Variants in FOXP1 observed in about 807,000 individuals in gnomAD.
The protein encoded by FOXP1 is forkhead box P1, also known as forkhead box protein P1.
FOXP1 carries 15 observed loss-of-function variants against 98.2 expected under a neutral mutation model. The ratio of observed to expected loss-of-function variants is 0.15; its 90% CI spans 0.10 to 0.24. The LOEUF is 0.24. FOXP1 is among the 10% of genes least tolerant of loss of function. The probability of loss-of-function intolerance (pLI) is 1.00; values close to 1 mark genes in which losing one functional copy is unlikely to be tolerated. For synonymous variants in FOXP1, 371 were observed against 314.5 expected, an observed-to-expected ratio of 1.18 and a Z score of -1.90; for missense variants, 633 against 848.5, an observed-to-expected ratio of 0.75 and a Z score of 3.15.
chr3:71,141,552 G>A (rs9840264), intron 6 of FOXP1, among the ~76,000 whole-genome samples: 149,431 of 152,308 alleles, frequency 0.98, 73,369 homozygotes, highest in East Asian at 1. Context: ...AAAGTTAACC[G>A]TTCTACAGGC....
intron 5 of FOXP1, chr3:71,288,341 G>A (rs1192639844): frequency 2.6e-5 from 4 of 152,080 alleles, no homozygotes; most frequent in East Asian, 1.9e-4. Context: ...GAGGATTTGC[G>A]ACTGGCCAAG....
At chr3:71,550,637 TTA>T (rs2045706505) in intron 2 of FOXP1, among the ~76,000 whole-genome samples, 1 of 152,176 alleles carries the variant, frequency 6.6e-6, no homozygotes, top group Non-Finnish European at 1.5e-5. Context: ...AGAAAATAGA[TTA>T]TGTTTCAATA....
rs145029673 is a variant in FOXP1 at position 71,119,474 on chromosome 3, C to T, written c.181-6837G>A. Among the ~76,000 whole-genome samples, 362 of 152,200 alleles carry T rather than the reference C, an allele frequency of 2.4e-3. 1 individual carries two copies. Among genetic ancestry groups the T allele is most frequent in the African/African-American group, 7.8e-3 (325 of 41,520 alleles). ...ATAATTTCATGGACTAATCAACAGT[C>T]ACTGTGGATATAGGGGTGGGAGGAA... On this transcript the variant is annotated intron_variant, in intron 6 of 20. Coordinates refer to ENST00000649528, the MANE Select transcript of FOXP1 (RefSeq NM_001349338.3).
intron 6 of FOXP1, among the ~76,000 whole-genome samples, chr3:71,132,191 C>T (rs1373989026): frequency 6.6e-6 from 1 of 152,126 alleles, no homozygotes; most frequent in African/African-American, 2.4e-5. Flanking sequence ...TGAAAGTGGG[C>T]GGTCAGGAAA....
intron 3 of FOXP1, among the ~76,000 whole-genome samples, chr3:71,432,428 C>T (rs1338933809): frequency 6.6e-6 from 1 of 152,150 alleles, no homozygotes; most frequent in Non-Finnish European, 1.5e-5. Context: ...ATTCAAAGCA[C>T]AATTGACGCA....
chr3:70,999,563 C>T (rs1275818057), intron 13 of FOXP1, among the ~76,000 whole-genome samples: 1 of 152,100 alleles, frequency 6.6e-6, no homozygotes, highest in Non-Finnish European at 1.5e-5. Context: ...AAATATCTTA[C>T]TGTTCTAATA....
chr3:71,429,152 C>A (rs975781725), intron 3 of FOXP1, among the ~76,000 whole-genome samples: 2 of 152,070 alleles, frequency 1.3e-5, no homozygotes, highest in Non-Finnish European at 2.9e-5. Context: ...TCATGCTCTG[C>A]ATGGCCCATG....
At chr3:71,503,260 A>T (rs2041541365) in intron 2 of FOXP1, among the ~76,000 whole-genome samples, 1 of 152,212 alleles carries the variant, frequency 6.6e-6, no homozygotes, top group South Asian at 2.1e-4. Context: ...TAGAAACAAA[A>T]GCCATCTTAC....
intron 7 of FOXP1, among the ~76,000 whole-genome samples, chr3:71,102,539 C>T (rs1163992838): frequency 6.6e-6 from 1 of 152,194 alleles, no homozygotes; most frequent in Non-Finnish European, 1.5e-5. Context: ...TCAATTTCAA[C>T]GGCTGCCTTT....
At position 71,041,185 on chromosome 3, in the gene FOXP1, T is replaced by C. The variant is rs2048289025; in HGVS notation, c.869+143A>G. 3.2e-5 allele frequency: 24 copies of C among 745,582 alleles called. 1 individual carries two copies. In the South Asian group the frequency reaches 3.5e-4, roughly 11 times the overall value. The allele number at this position is 745,582 out of a possible 1,614,324, so 46.2% of individuals were successfully genotyped here. ...AATTAGATGCTTCACACCCAAACCA[T>C]ACTGAATACATTCCTCAGTAATTAT... On this transcript the variant is annotated intron_variant, in intron 11 of 20. Transcript: ENST00000649528.
intron 5 of FOXP1, among the ~76,000 whole-genome samples, chr3:71,249,398 A>C (rs928645043): frequency 2.0e-5 from 3 of 152,270 alleles, no homozygotes; most frequent in Non-Finnish European, 2.9e-5. Context: ...ATATGCCGGC[A>C]GTTATACTAG....
chr3:71,563,441 T>G (rs919669345), intron 2 of FOXP1, among the ~76,000 whole-genome samples: 8 of 152,214 alleles, frequency 5.3e-5, no homozygotes, highest in African/African-American at 1.9e-4. Flanking sequence ...CAGAGTCACC[T>G]TACCTACCGC....
intron 5 of FOXP1, among the ~76,000 whole-genome samples, chr3:71,238,195 G>C (rs1241621980): frequency 6.6e-6 from 1 of 152,166 alleles, no homozygotes; most frequent in Non-Finnish European, 1.5e-5. Context: ...GTGAACAAGG[G>C]CTTTGCAGGC....
intron 4 of FOXP1, among the ~76,000 whole-genome samples, chr3:71,323,932 T>A (rs1489396745): frequency 6.6e-6 from 1 of 152,152 alleles, no homozygotes; most frequent in East Asian, 1.9e-4. Context: ...AACAAATCAC[T>A]GGACTTGCTG....
intron 11 of FOXP1, among the ~76,000 whole-genome samples, chr3:71,031,663 C>G (rs765276143): frequency 3.9e-5 from 6 of 151,910 alleles, no homozygotes; most frequent in Non-Finnish European, 5.9e-5. Context: ...ACTTAGAAAC[C>G]ACAAATATTA....
intron 6 of FOXP1, among the ~76,000 whole-genome samples, chr3:71,180,839 G>A (rs1328033502): frequency 6.6e-6 from 1 of 152,172 alleles, no homozygotes; most frequent in Non-Finnish European, 1.5e-5. Context: ...AGATTCTGGA[G>A]GCAAACTGTG....
rs141865285 is a variant in FOXP1, at chr3:71,454,198, G to A, written c.-168+39228C>T. ...GCAGCAATAGAAGAGGTAAGAGAAAGTGTCTCTAAAGAATCCTAAAGAACC... is the reference window on the plus strand; with the variant it reads ...GCAGCAATAGAAGAGGTAAGAGAAAATGTCTCTAAAGAATCCTAAAGAACC... On this transcript the variant is annotated intron_variant, in intron 3 of 20. Transcript: ENST00000649528. Among the ~76,000 whole-genome samples, 150 of 152,268 alleles carry A rather than the reference G, an allele frequency of 9.9e-4. 1 individual carries two copies. The East Asian group carries it at 0.025, about 25-fold the overall frequency.
At chr3:71,547,945 A>C (rs2045490370) in intron 2 of FOXP1, among the ~76,000 whole-genome samples, 1 of 152,242 alleles carries the variant, frequency 6.6e-6, no homozygotes, top group Non-Finnish European at 1.5e-5. Context: ...CTCTTAAACC[A>C]AACTGACTTA....
chr3:71,232,565 GAAAC>G (rs903070384), intron 5 of FOXP1, among the ~76,000 whole-genome samples: 10 of 151,868 alleles, frequency 6.6e-5, no homozygotes, highest in African/African-American at 2.2e-4. Flanking sequence ...CTCAAAAAAT[GAAAC>G]AGAGAATAGA....
Sources: allele counts gnomAD v4.1 joint callset (sites outside exome capture counted in the v4.1 genomes callset), GRCh38; gene constraint gnomAD v4.1.1; transcripts MANE v1.5; gene names NCBI Gene and HGNC (gene_info 2026-07-23, HGNC 2026-07-21).